The following TENT4B variants were observed in gnomAD, a reference collection of about 807,000 sequenced individuals.
TENT4B encodes the protein PAP associated domain containing 5.
Under a neutral mutation model 75.0 loss-of-function variants are expected in TENT4B, and 10 were observed. The observed-to-expected ratio is 0.13, with a 90% CI of 0.08 to 0.23. The LOEUF is 0.23. Ranked by LOEUF, TENT4B falls within the 10% of genes least tolerant of loss-of-function variation. The pLI is 1.00. For synonymous variants in TENT4B, 350 were observed against 357.7 expected (o/e 0.98, Z 0.24); for missense variants, 579 against 893.8 (o/e 0.65, Z 4.49).
At chr16:50,195,011 A>G (rs1320529721) in intron 1 of TENT4B, among the ~76,000 whole-genome samples, 1 of 152,002 alleles carries the variant, frequency 6.6e-6, no homozygotes, top group Non-Finnish European at 1.5e-5. Context: ...GGCCTCCCAA[A>G]GTGCTGGGAT....
At position 50,229,255 on chromosome 16, in the gene TENT4B, C is replaced by T; in HGVS notation, c.2069C>T (p.Ser690Phe). Residue 690 changes from serine to phenylalanine, a missense_variant, in exon 12 of 12, where the codon TCC becomes TTC. Physicochemically the swap from Ser to Phe is radical, Grantham distance 155 (BLOSUM62 -2). Around this residue, in one of 7 missense-constraint regions of TENT4B, gnomAD observed 164 missense variants for 226.5 expected, o/e 0.72. Transcript: ENST00000561678. ...LMTNKQHQGK[S>F]NNQYYHGKKR... ...ACAAACAAACAACATCAAGGCAAAT[C>T]CAATAATCAGTATTACCATGGCAAA... The T allele has an allele frequency of 6.2e-7, 1 of 1,613,872 alleles. No homozygotes were observed. The highest frequency in any genetic ancestry group is 8.5e-7 in the Non-Finnish European group (1 of 1,179,850).
At chr16:50,177,561 GGTTCAGAA>G (rs2150691148) in intron 1 of TENT4B, among the ~76,000 whole-genome samples, 1 of 152,184 alleles carries the variant, frequency 6.6e-6, no homozygotes, top group South Asian at 2.1e-4. Context: ...GGTGTCCATA[GGTTCAGAA>G]GTGATGGCCC....
chr16:50,203,660 T>C (rs1014134464), intron 1 of TENT4B, among the ~76,000 whole-genome samples: 4 of 152,154 alleles, frequency 2.6e-5, no homozygotes, highest in African/African-American at 9.7e-5. Context: ...TTGTCAGTTC[T>C]CAGCCACACT....
chr16:50,213,854 A>G (rs1596735156), intron 2 of TENT4B, among the ~76,000 whole-genome samples: 1 of 152,336 alleles, frequency 6.6e-6, no homozygotes, highest in East Asian at 1.9e-4. Context: ...AAGATGATGT[A>G]AAGTACATGG....
At chr16:50,156,374 C>T (rs1475480672) in intron 1 of TENT4B, among the ~76,000 whole-genome samples, 2 of 146,182 alleles carry the variant, frequency 1.4e-5, no homozygotes, top group East Asian at 4.0e-4. Context: ...GACGGAGTTT[C>T]GCTCTTGTTG....
intron 5 of TENT4B, among the ~76,000 whole-genome samples, chr16:50,219,752 TTCTTTTC>T (rs961039587): frequency 2.0e-5 from 3 of 147,474 alleles, no homozygotes; most frequent in African/African-American, 5.1e-5. Context: ...TCCCTCCCTT[TTCTTTTC>T]TCTTTTCTCT....
At chr16:50,153,080 G>A (rs1231280852), upstream of TENT4B, 64 of 1,387,632 alleles carry the variant, frequency 4.6e-5, no homozygotes, top group Non-Finnish European at 4.9e-5. Flanking sequence ...TGGGCCAGGC[G>A]GTTGCGGCCC....
intron 1 of TENT4B, among the ~76,000 whole-genome samples, chr16:50,161,841 GTGTGTGTA>G (rs1262360824): frequency 2.0e-5 from 3 of 152,102 alleles, no homozygotes; most frequent in African/African-American, 7.2e-5. Context: ...GTATTTGTGT[GTGTGTGTA>G]TATATATAAT....
intron 7 of TENT4B, 135 bp downstream of exon 7, chr16:50,223,522 C>A: frequency 3.1e-6 from 2 of 640,942 alleles, no homozygotes; most frequent in Admixed American, 6.1e-5. Context: ...CGAAATATTT[C>A]ATGAGCAAAC....
At chr16:50,178,142 C>CT (rs35008488) in intron 1 of TENT4B, among the ~76,000 whole-genome samples, 67,968 of 115,498 alleles carry the variant, frequency 0.59, 21,405 homozygotes, top group South Asian at 0.7. Flanking sequence ...AGGTGGTCTA[C>CT]TTTTTTTTTT....
intron 1 of TENT4B, among the ~76,000 whole-genome samples, chr16:50,199,367 A>G (rs995391914): frequency 2.0e-5 from 3 of 152,206 alleles, no homozygotes; most frequent in African/African-American, 4.8e-5. Flanking sequence ...TTTCCCAAAG[A>G]AAGTGTGTGG....
At chr16:50,198,652 G>C (rs1004315236) in intron 1 of TENT4B, among the ~76,000 whole-genome samples, 1 of 151,998 alleles carries the variant, frequency 6.6e-6, no homozygotes, top group Non-Finnish European at 1.5e-5. Flanking sequence ...TGTGGGGAGG[G>C]TGGGAGAGTC....
chr16:50,166,780 AT>A (rs57856238), intron 1 of TENT4B, among the ~76,000 whole-genome samples: 63,524 of 113,882 alleles, frequency 0.56, 16,180 homozygotes, highest in Middle Eastern at 0.71. Flanking sequence ...TGCCTGGCTA[AT>A]TTTTTTTTTT....
At chr16:50,211,189 A>G in intron 1 of TENT4B, 134 bp from the exon 2 acceptor site, 1 of 941,986 alleles carries the variant, frequency 1.1e-6, no homozygotes, top group African/African-American at 1.8e-5. Flanking sequence ...ATTTTAGCTT[A>G]TCTTGAGTTA....
chr16:50,173,792 C>T (rs886257064), intron 1 of TENT4B, among the ~76,000 whole-genome samples: 9 of 152,174 alleles, frequency 5.9e-5, no homozygotes, highest in African/African-American at 1.9e-4. Context: ...CTCCTGGGTT[C>T]AAGTGATTCT....
intron 10 of TENT4B, among the ~76,000 whole-genome samples, chr16:50,227,207 A>G (rs566374755): frequency 5.3e-5 from 8 of 152,338 alleles, no homozygotes; most frequent in South Asian, 4.1e-4. Flanking sequence ...CTAGAGCAGT[A>G]TGCTTTGGAG....
chr16:50,205,475 G>A (rs2030899915), intron 1 of TENT4B, among the ~76,000 whole-genome samples: 1 of 147,022 alleles, frequency 6.8e-6, no homozygotes, highest in Non-Finnish European at 1.5e-5. Context: ...GGTAATATCT[G>A]TTAACAGTTC....
intron 1 of TENT4B, among the ~76,000 whole-genome samples, chr16:50,161,394 TAAAAC>T (rs2038000346): frequency 6.6e-6 from 1 of 152,216 alleles, no homozygotes; most frequent in Non-Finnish European, 1.5e-5. Flanking sequence ...TTTTAAGTCT[TAAAAC>T]AATCTTAACC....
chr16:50,169,616 A>G (rs957406109), intron 1 of TENT4B, among the ~76,000 whole-genome samples: 1 of 152,066 alleles, frequency 6.6e-6, no homozygotes, highest in South Asian at 2.1e-4. Flanking sequence ...TCTTCAAGCT[A>G]CTTGGTTGTC....
Sources: gnomAD v4.1 joint callset for allele counts (sites outside exome capture counted in the v4.1 genomes callset) on GRCh38, gnomAD v4.1.1 for gene constraint, gnomAD v4.1.1 regional missense constraint, MANE v1.5 for transcripts, NCBI Gene and HGNC (gene_info 2026-07-23, HGNC 2026-07-21) for gene names.